Variants in SWAP70 observed in about 807,000 individuals in gnomAD.
SWAP70 encodes switch-associated protein 70.
SWAP70 carries 34 observed loss-of-function variants against 80.2 expected under a neutral mutation model. The observed-to-expected ratio is 0.42, with a 90% CI of 0.32 to 0.56. The LOEUF (loss-of-function observed/expected upper bound fraction) is 0.56. Among genes scored for constraint, SWAP70 ranks in the 20% least tolerant of loss-of-function variants. The pLI is 0.09. For missense variants in SWAP70, 578 were observed against 690.7 expected (o/e 0.84, Z 1.83); for synonymous variants, 239 against 238.5 (o/e 1.00, Z -0.02).
At chr11:9,693,248 G>A (rs1185437243) in intron 1 of SWAP70, among the ~76,000 whole-genome samples, 1 of 152,148 alleles carries the variant, frequency 6.6e-6, no homozygotes, top group Non-Finnish European at 1.5e-5. Flanking sequence ...TGTTCAGAAA[G>A]CACAAATGAA....
Position 9,740,164 on chromosome 11 carries a change from C to T in SWAP70, c.1189-17C>T. 1 of 1,608,378 alleles carries T rather than the reference C, an allele frequency of 6.2e-7. No homozygotes were observed. Reference sequence around the variant, plus strand: ...GAAGTCAACCTGCATTTAAACAAGACCCTTTTATACCAACAGATCAGACAG... The same window carrying T: ...GAAGTCAACCTGCATTTAAACAAGATCCTTTTATACCAACAGATCAGACAG... On this transcript the variant is annotated splice_polypyrimidine_tract_variant and intron_variant, in intron 8 of 11. Transcript: ENST00000318950.
chr11:9,742,337 C>A (rs559810348), intron 9 of SWAP70, among the ~76,000 whole-genome samples: 67 of 151,960 alleles, frequency 4.4e-4, no homozygotes, highest in African/African-American at 1.6e-3. Context: ...ATTTGCCCCC[C>A]TGCTCCCTTT....
chr11:9,748,109 T>C (rs543676946), intron 10 of SWAP70, 53 bp downstream of exon 10: 1 of 1,548,092 alleles, frequency 6.5e-7, no homozygotes, highest in East Asian at 2.3e-5. Context: ...GAAAAACATT[T>C]CTCAATAATA....
At chr11:9,698,466 A>T (rs1034751061) in intron 2 of SWAP70, among the ~76,000 whole-genome samples, 9 of 152,086 alleles carry the variant, frequency 5.9e-5, no homozygotes, top group Non-Finnish European at 8.8e-5. Flanking sequence ...GTGCAGTGGC[A>T]TGATCTCGGC....
chr11:9,709,824 T>G (rs539730184), intron 2 of SWAP70, among the ~76,000 whole-genome samples: 1 of 152,292 alleles, frequency 6.6e-6, no homozygotes, highest in African/African-American at 2.4e-5. Flanking sequence ...AAAACTTAAC[T>G]CCTAATAGCC....
chr11:9,665,360 G>A (rs1850295784), intron 1 of SWAP70, among the ~76,000 whole-genome samples: 1 of 151,776 alleles, frequency 6.6e-6, no homozygotes, highest in Non-Finnish European at 1.5e-5. Context: ...AGTCTGGAAG[G>A]GTCCATGGAG....
Position 9,724,674 on chromosome 11 carries a change from A to G in SWAP70, c.431A>G (p.Lys144Arg). The G allele has an allele frequency of 6.2e-7, 1 of 1,612,554 alleles. No homozygotes were observed. The highest frequency in any genetic ancestry group is 8.5e-7 in the Non-Finnish European group (1 of 1,178,936). Residue 144 changes from lysine to arginine, a missense_variant, in exon 4 of 12, where the codon AAG becomes AGG. Physicochemically the swap from Lys to Arg is conservative, Grantham distance 26 (BLOSUM62 2). Coordinates refer to ENST00000318950, the MANE Select transcript of SWAP70 (RefSeq NM_015055.4). ...TTTATGTAGATTGAATACCTGCTTA[A>G]GAAGCTTACAGAAGCTATGGGAGGA... ...IVSEEIEYLL[K>R]KLTEAMGGGW...
At chr11:9,664,893 A>G (rs1850290270) in intron 1 of SWAP70, among the ~76,000 whole-genome samples, 1 of 152,202 alleles carries the variant, frequency 6.6e-6, no homozygotes, top group South Asian at 2.1e-4. Context: ...GAACTAGTGG[A>G]CGGGGTGTAC....
Position 9,732,693 on chromosome 11 carries a change from C to G in SWAP70, c.1063C>G (p.Leu355Val), listed in dbSNP as rs750168553. 1.2e-5 allele frequency: 19 copies of G among 1,551,608 alleles called. No homozygotes were observed. The Admixed American group carries it at 3.8e-4, about 31-fold the overall frequency. Residue 355 changes from leucine to valine, a missense_variant, in exon 7 of 12, where the codon CTG becomes GTG. Leu to Val is a conservative substitution (Grantham distance 32, BLOSUM62 1). Coordinates refer to ENST00000318950, the MANE Select transcript of SWAP70 (RefSeq NM_015055.4). Reference protein sequence around the residue: ...QAANESKQQELEAVRKKLEEA... With the variant: ...QAANESKQQEVEAVRKKLEEA... ...CGCCAACGAAAGCAAGCAGCAGGAG[C>G]TGGAGGCCGTGCGGAAGGTGGGAAT... is the stretch of plus-strand genomic sequence containing the variant.
intron 8 of SWAP70, 147 bp downstream of exon 8, chr11:9,738,467 T>G (rs1851393262): frequency 4.1e-6 from 2 of 482,936 alleles, no homozygotes; most frequent in Non-Finnish European, 7.2e-6. Flanking sequence ...GTTGCATGTT[T>G]GTTCATTCAT....
rs145363368 is a variant in SWAP70, at chr11:9,750,055, G to C, written c.*85G>C. On this transcript the variant is annotated 3_prime_UTR_variant, in exon 12 of 12. Transcript: ENST00000318950. ...CTAAAGACAAAAGAAACAGCTTTGG[G>C]GGCCGGGCGTGGTGGCTCACGCCTG... 1.0e-6 allele frequency: 1 copy of C among 998,946 alleles called. No homozygotes were observed. Among genetic ancestry groups the C allele is most frequent in the Non-Finnish European group, 1.5e-6 (1 of 657,088 alleles). The allele number at this position is 998,946 out of a possible 1,614,324, so 61.9% of individuals were successfully genotyped here.
chr11:9,743,823 A>G (rs931996480), intron 9 of SWAP70, among the ~76,000 whole-genome samples: 1 of 152,010 alleles, frequency 6.6e-6, no homozygotes, highest in Non-Finnish European at 1.5e-5. Flanking sequence ...AATATTTGGA[A>G]TCTCATTATT....
At chr11:9,703,239 C>G (rs909133216) in intron 2 of SWAP70, among the ~76,000 whole-genome samples, 3 of 152,180 alleles carry the variant, frequency 2.0e-5, no homozygotes, top group African/African-American at 7.2e-5. Flanking sequence ...GGTTCATCCA[C>G]GTTGTATCCT....
intron 1 of SWAP70, among the ~76,000 whole-genome samples, chr11:9,672,530 ATTT>A: frequency 1.1e-5 from 1 of 88,396 alleles, no homozygotes; most frequent in African/African-American, 4.9e-5. Context: ...CACCTGGCTA[ATTT>A]TTTTTTTTTT....
chr11:9,707,783 T>G (rs1277950378), intron 2 of SWAP70, among the ~76,000 whole-genome samples: 2 of 152,118 alleles, frequency 1.3e-5, no homozygotes, highest in Non-Finnish European at 2.9e-5. Context: ...CTTGAACTCC[T>G]GACTTCAAGT....
At chr11:9,734,400 C>T (rs925674481) in intron 7 of SWAP70, among the ~76,000 whole-genome samples, 3 of 152,162 alleles carry the variant, frequency 2.0e-5, no homozygotes, top group African/African-American at 7.2e-5. Context: ...ATGTAGTGTT[C>T]TGCTCTGTAT....
rs201435070 is a variant in SWAP70, at chr11:9,687,541, T to TA, written c.100-6604dup. Among the ~76,000 whole-genome samples, 1,163 of 152,338 alleles carry TA rather than the reference T, an allele frequency of 7.6e-3. 9 individuals are homozygous for TA. The highest frequency in any genetic ancestry group is 9.7e-3 in the Non-Finnish European group (663 of 68,026). On this transcript the variant is annotated intron_variant, in intron 1 of 11. Transcript: ENST00000318950. ...ATTTTTCTGTGGTCAAATTTACCAG[T>TA]ATTTTCTGTTTAGTTTCTGAAGAGG...
intron 2 of SWAP70, among the ~76,000 whole-genome samples, chr11:9,705,782 C>T (rs1367540650): frequency 7.9e-6 from 1 of 126,700 alleles, no homozygotes; most frequent in Admixed American, 7.4e-5. Flanking sequence ...TCTGTGTATA[C>T]TTGGTGATCT....
chr11:9,685,591 A>G (rs1235435901), intron 1 of SWAP70, among the ~76,000 whole-genome samples: 1 of 144,368 alleles, frequency 6.9e-6, no homozygotes, highest in African/African-American at 2.4e-5. Flanking sequence ...CCCATTTGCG[A>G]GAGTTCCGCT....
Sources: allele counts gnomAD v4.1 joint callset (sites outside exome capture counted in the v4.1 genomes callset), GRCh38; gene constraint gnomAD v4.1.1; transcripts MANE v1.5; gene names NCBI Gene and HGNC (gene_info 2026-07-23, HGNC 2026-07-21).